The following ADPRHL1 variants were observed in gnomAD, a reference collection of about 807,000 sequenced individuals.
The protein encoded by ADPRHL1 is ADP-ribosylhydrolase like 1.
A neutral mutation model predicts 44.1 loss-of-function variants in ADPRHL1; 43 were observed. That is an observed-to-expected ratio of 0.98 (90% CI 0.76 to 1.26). ADPRHL1 has a LOEUF of 1.26. ADPRHL1 is among the 50% of genes most tolerant of loss of function. The pLI, the probability that ADPRHL1 is intolerant of heterozygous loss-of-function variation, is 0.00. For synonymous variants in ADPRHL1, 878 were observed against 1,017.4 expected (o/e 0.86, Z 2.61); for missense variants, 2,022 against 2,496.9 (o/e 0.81, Z 4.05).
chr13:113,421,634 C>T (rs145325447), intron 7 of ADPRHL1, among the ~76,000 whole-genome samples: 3 of 152,310 alleles, frequency 2.0e-5, no homozygotes, highest in East Asian at 1.9e-4. Context: ...GCTGGGAGTC[C>T]GTGGCCCCCA....
Position 113,406,520 on chromosome 13 carries a change from C to T in ADPRHL1, c.2762G>A (p.Arg921Gln), listed in dbSNP as rs1003765361. 1.5e-5 allele frequency: 19 copies of T among 1,232,042 alleles called. No homozygotes were observed. The South Asian group carries it at 2.1e-4, about 13-fold the overall frequency. 76.3% of individuals were successfully genotyped at this position (1,232,042 alleles called of 1,614,324 possible). A position where few individuals can be genotyped will look rare whatever the true frequency, so the allele number is the denominator to read the frequency against. Residue 921 changes from arginine to glutamine, a missense_variant, in exon 8 of 8, where the codon CGG (arginine) becomes CAG (glutamine). Physicochemically the swap from Arg to Gln is conservative, Grantham distance 43. Coordinates refer to ENST00000612156, the MANE Select transcript of ADPRHL1 (RefSeq NM_001394807.1). ...TGCTGCTGCCAGACGCGGAGCTGCCCGTGGCCCCTGCGGCGAAGAGGCGCT... is the reference window on the plus strand; with the variant it reads ...TGCTGCTGCCAGACGCGGAGCTGCCTGTGGCCCCTGCGGCGAAGAGGCGCT... ...GLSASSPQGPRAAPRLAAARG... is the reference protein window; with the variant it reads ...GLSASSPQGPQAAPRLAAARG...
At position 113,407,358 on chromosome 13, in the gene ADPRHL1, G is replaced by T; in HGVS notation, c.1924C>A (p.His642Asn). 8.1e-7 allele frequency: 1 copy of T among 1,232,038 alleles called. No homozygotes were observed. Among genetic ancestry groups the T allele is most frequent in the Non-Finnish European group, 1.0e-6 (1 of 988,056 alleles). 76.3% of individuals were successfully genotyped at this position (1,232,038 alleles called of 1,614,324 possible). The change falls in exon 8 of 8, where the codon CAC becomes AAC. Residue 642 changes from histidine (H) to asparagine (N), a missense_variant. By Grantham distance (68) the His-to-Asn change is moderately conservative (BLOSUM62 1). This residue lies in a region of ADPRHL1 where 1,221 missense variants were observed against 1,517.8 expected (regional missense o/e 0.80). Coordinates refer to ENST00000612156, the MANE Select transcript of ADPRHL1 (RefSeq NM_001394807.1). Reference protein sequence around the residue: ...SWLSHCTKISHSEARRPPRGE... With the variant: ...SWLSHCTKISNSEARRPPRGE... ...CTGGGTGGACGCCTTGCCTCCGAGTGGCTGATTTTGGTGCAGTGGGACAGC... is the reference window on the plus strand; with the variant it reads ...CTGGGTGGACGCCTTGCCTCCGAGTTGCTGATTTTGGTGCAGTGGGACAGC...
At chr13:113,417,118 G>C (rs2043890909) in intron 7 of ADPRHL1, among the ~76,000 whole-genome samples, 1 of 152,254 alleles carries the variant, frequency 6.6e-6, no homozygotes, top group Non-Finnish European at 1.5e-5. Flanking sequence ...CGGCTGCTGG[G>C]AGAGGCGATG....
intron 5 of ADPRHL1, 52 bp downstream of exon 5, chr13:113,425,000 T>C (rs1208526791): frequency 6.2e-7 from 1 of 1,606,958 alleles, no homozygotes; most frequent in South Asian, 1.1e-5. Context: ...TATGCACTTA[T>C]TGAGCACCAC....
chr13:113,418,403 C>T (rs557945644), intron 7 of ADPRHL1, among the ~76,000 whole-genome samples: 63 of 152,292 alleles, frequency 4.1e-4, no homozygotes, highest in African/African-American at 7.2e-4. Context: ...CTCAAGTCAC[C>T]GAGCCTCCCT....
At position 113,406,648 on chromosome 13, in the gene ADPRHL1, C is replaced by T. The variant is rs2043810881; in HGVS notation, c.2634G>A (p.Val878=). 3 of 1,217,434 alleles carry T rather than the reference C, an allele frequency of 2.5e-6. No individual in the cohort carries two copies. The highest frequency in any genetic ancestry group is 3.0e-6 in the Non-Finnish European group (3 of 984,320). 75.4% of individuals were successfully genotyped at this position (1,217,434 alleles called of 1,614,324 possible). A position where few individuals can be genotyped will look rare whatever the true frequency, so the allele number is the denominator to read the frequency against. ...NKPCICGGEN[V]VENAHTEFPT... is the part of the protein sequence containing the mutation. ...GAAATTCTGTGTGGGCATTTTCAAC[C>T]ACATTCTCTCCTCCACAAATACAAG... The change falls in exon 8 of 8, where the codon GTG becomes GTA. Residue 878 remains valine, a synonymous_variant. Transcript: ENST00000612156.
In ADPRHL1 at chr13:113,405,864, T is replaced by G; in HGVS notation, c.3418A>C (p.Thr1140Pro). The G allele has an allele frequency of 1.6e-6, 2 of 1,231,962 alleles. No individual in the cohort carries two copies. Among genetic ancestry groups the G allele is most frequent in the Non-Finnish European group, 2.0e-6 (2 of 988,048 alleles). The allele number at this position is 1,231,962 out of a possible 1,614,324, so 76.3% of individuals were successfully genotyped here. A position where few individuals can be genotyped will look rare whatever the true frequency, so the allele number is the denominator to read the frequency against. Residue 1140 changes from threonine to proline, a missense_variant, in exon 8 of 8, where the codon ACA becomes CCA. Thr to Pro is a conservative substitution (Grantham distance 38, BLOSUM62 -1). This residue lies in a region of ADPRHL1 where 1,221 missense variants were observed against 1,517.8 expected (regional missense o/e 0.80). Coordinates refer to ENST00000612156, the MANE Select transcript of ADPRHL1 (RefSeq NM_001394807.1). ...PGSTQSPGDRTAGEPETLGQW... is the reference protein window; with the variant it reads ...PGSTQSPGDRPAGEPETLGQW... ...CCCAGCGTCTCTGGCTCTCCCGCTG[T>G]GCGGTCTCCAGGGCTCTGGGTGCTG...
intron 4 of ADPRHL1, 76 bp from the exon 5 acceptor site, chr13:113,425,255 G>C (rs2043959986): frequency 1.0e-6 from 1 of 972,018 alleles, no homozygotes; most frequent in Admixed American, 2.5e-5. Flanking sequence ...TTGGGGGTGG[G>C]GAGGGTGGGG....
rs1484689626 is a variant in ADPRHL1, at chr13:113,402,173, C to T, written c.*1205G>A. 6.6e-6 allele frequency: 1 copy of T among 152,280 alleles called. No homozygotes were observed. The highest frequency in any genetic ancestry group is 2.1e-4 in the South Asian group (1 of 4,834). The allele number at this position is 152,280 out of a possible 1,614,324, so 9.4% of individuals were successfully genotyped here. ...GCATCGGTTCACGCTGAAAATCCAGCTGCTCCGGGGCCACTCAGGCAGCCG... is the reference window on the plus strand; with the variant it reads ...GCATCGGTTCACGCTGAAAATCCAGTTGCTCCGGGGCCACTCAGGCAGCCG... On this transcript the variant is annotated 3_prime_UTR_variant, in exon 8 of 8. Coordinates refer to ENST00000612156, the MANE Select transcript of ADPRHL1 (RefSeq NM_001394807.1).
At chr13:113,426,904 T>C (rs1766527687) in intron 4 of ADPRHL1, among the ~76,000 whole-genome samples, 2 of 152,188 alleles carry the variant, frequency 1.3e-5, no homozygotes, top group Non-Finnish European at 2.9e-5. Context: ...CCGTGTCAGG[T>C]GGGCTGGTCA....
intron 7 of ADPRHL1, among the ~76,000 whole-genome samples, chr13:113,414,679 G>GT (rs34698707): frequency 0.091 from 12,696 of 138,826 alleles, 625 homozygotes; most frequent in African/African-American, 0.12. Context: ...TCTGTTTTCT[G>GT]TTTTTTTTTT....
intron 7 of ADPRHL1, chr13:113,422,574 T>C: frequency 5.7e-6 from 3 of 523,574 alleles, no homozygotes; most frequent in African/African-American, 1.9e-5. Flanking sequence ...CGCATGGAGG[T>C]CCAAGTGCGG....
chr13:113,411,160 T>C (rs897998383), intron 7 of ADPRHL1, among the ~76,000 whole-genome samples: 2 of 152,122 alleles, frequency 1.3e-5, no homozygotes, highest in Non-Finnish European at 2.9e-5. Flanking sequence ...AGCCCCACCG[T>C]CCAAATAGAA....
chr13:113,440,367 T>C lies in ADPRHL1; in HGVS notation c.379+4058A>G, dbSNP rs551740404. ...AAATTACCTTCCTTATTCTTGGGAA[T>C]ATTCTTTGCTCCAAAATTTTACTGT... On this transcript the variant is annotated intron_variant, in intron 2 of 7. Transcript: ENST00000612156. Among the ~76,000 whole-genome samples, 4 of 152,330 alleles carry C rather than the reference T, an allele frequency of 2.6e-5. No individual in the cohort carries two copies. In the East Asian group the frequency reaches 7.7e-4, roughly 29 times the overall value.
intron 7 of ADPRHL1, among the ~76,000 whole-genome samples, chr13:113,418,902 C>A: frequency 6.6e-6 from 1 of 151,806 alleles, no homozygotes; most frequent in Non-Finnish European, 1.5e-5. Context: ...ATGTGCAACA[C>A]TGATGCTCCC....
At position 113,432,826 on chromosome 13, in the gene ADPRHL1, G is replaced by A. The variant is rs191751213; in HGVS notation, c.505+916C>T. On this transcript the variant is annotated intron_variant, in intron 3 of 7. Transcript: ENST00000612156. ...AGGCTAGCGTGGCTGTTGGATGTGC[G>A]TGGGACTGGGCGGTGCCAGGACTAA... 1.6e-4 allele frequency among the ~76,000 whole-genome samples: 24 copies of A among 152,352 alleles called. No homozygotes were observed. In the East Asian group the frequency reaches 4.0e-3, roughly 26 times the overall value.
intron 1 of ADPRHL1, among the ~76,000 whole-genome samples, chr13:113,446,330 C>G (rs1375422261): frequency 6.6e-6 from 1 of 151,804 alleles, no homozygotes; most frequent in African/African-American, 2.4e-5. Flanking sequence ...GTGAACCCCC[C>G]AGAGAGAGAG....
chr13:113,404,588 TG>T lies in ADPRHL1; in HGVS notation c.4693del (p.Gln1565ArgfsTer58). ...QAQWQTQIEAQGQAQEPAQGG... is the reference protein window; with the variant it reads ...QAQWQTQIEAXGQAQEPAQGG... ...CTGAGCTGGTTCCTGTGCCTGCCCC[TG>T]GGCCTCTATCTGGGTCTGCCACTGG... On this transcript the variant is annotated frameshift_variant, in exon 8 of 8. Coordinates refer to ENST00000612156, the MANE Select transcript of ADPRHL1 (RefSeq NM_001394807.1). LOFTEE classifies it low-confidence loss of function (END_TRUNC). The T allele has an allele frequency of 7.7e-7, 1 of 1,294,148 alleles. No homozygotes were observed. The highest frequency in any genetic ancestry group is 4.1e-5 in the Admixed American group (1 of 24,554). The allele number at this position is 1,294,148 out of a possible 1,614,324, so 80.2% of individuals were successfully genotyped here.
At chr13:113,450,585 C>T (rs2044171490) in intron 1 of ADPRHL1, among the ~76,000 whole-genome samples, 1 of 152,180 alleles carries the variant, frequency 6.6e-6, no homozygotes, top group Admixed American at 6.5e-5. Context: ...ATGCGAGTCA[C>T]CTCCAATGGT....
Sources: allele counts gnomAD v4.1 joint callset (sites outside exome capture counted in the v4.1 genomes callset), GRCh38; gene constraint gnomAD v4.1.1; regional missense constraint gnomAD v4.1.1; transcripts MANE v1.5; gene names NCBI Gene and HGNC (gene_info 2026-07-23, HGNC 2026-07-21).